The following NLGN1 variants were observed in gnomAD, a reference collection of about 807,000 sequenced individuals.
NLGN1 encodes the protein neuroligin 1, also known as neuroligin-1.
NLGN1 carries 12 observed loss-of-function variants against 65.5 expected under a neutral mutation model. That is an observed-to-expected ratio of 0.18 (90% CI 0.12 to 0.30). The LOEUF (loss-of-function observed/expected upper bound fraction) is 0.30. Among genes scored for constraint, NLGN1 ranks in the 10% least tolerant of loss-of-function variants. NLGN1 has a pLI of 1.00. For synonymous variants in NLGN1, 350 were observed against 359.5 expected (o/e 0.97, Z 0.30); for missense variants, 750 against 1,007.1 (o/e 0.74, Z 3.46).
intron 3 of NLGN1, among the ~76,000 whole-genome samples, chr3:173,650,008 A>C (rs746134635): frequency 3.7e-4 from 57 of 152,066 alleles, no homozygotes; most frequent in Non-Finnish European, 5.6e-4. Flanking sequence ...TTGCAAAAAA[A>C]CCTAAATTTA....
rs549486710 is a variant in NLGN1 at position 174,165,789 on chromosome 3, T to C, written c.647-109526T>C. 2.6e-4 allele frequency among the ~76,000 whole-genome samples: 39 copies of C among 152,184 alleles called. No individual in the cohort carries two copies. The East Asian group carries it at 3.9e-3, about 15-fold the overall frequency. On this transcript the variant is annotated intron_variant, in intron 4 of 6. Transcript: ENST00000457714. Reference sequence around the variant, plus strand: ...TAGAATTGGTACAGGCTCTTCCTTATATTTCTGGTAAGATTTGGCTGGTCT... The same window carrying C: ...TAGAATTGGTACAGGCTCTTCCTTACATTTCTGGTAAGATTTGGCTGGTCT...
intron 2 of NLGN1, among the ~76,000 whole-genome samples, chr3:173,574,848 T>G (rs746096874): frequency 6.6e-6 from 1 of 152,196 alleles, no homozygotes; most frequent in Non-Finnish European, 1.5e-5. Context: ...GCAGTTAAGA[T>G]AAACTATGCA....
intron 4 of NLGN1, among the ~76,000 whole-genome samples, chr3:174,077,738 T>C (rs1282441851): frequency 6.6e-6 from 1 of 152,116 alleles, no homozygotes; most frequent in Non-Finnish European, 1.5e-5. Context: ...GTATTTTTAG[T>C]AGAGACGGGG....
At chr3:174,258,892 G>A (rs1746306857) in intron 4 of NLGN1, among the ~76,000 whole-genome samples, 1 of 151,892 alleles carries the variant, frequency 6.6e-6, no homozygotes. Context: ...GGTGGAAGAG[G>A]GGAGAGTAAA....
chr3:173,504,016 C>T (rs533975572), intron 2 of NLGN1, among the ~76,000 whole-genome samples: 1 of 151,994 alleles, frequency 6.6e-6, no homozygotes, highest in Non-Finnish European at 1.5e-5. Context: ...CATCAGAAAT[C>T]TGATAATTAG....
chr3:173,662,081 A>G (rs1348625663), intron 3 of NLGN1, among the ~76,000 whole-genome samples: 2 of 151,966 alleles, frequency 1.3e-5, no homozygotes, highest in Non-Finnish European at 2.9e-5. Flanking sequence ...ATGGCTTATA[A>G]TTCTCTTCCC....
At chr3:174,087,411 C>T (rs772916151) in intron 4 of NLGN1, among the ~76,000 whole-genome samples, 4 of 152,048 alleles carry the variant, frequency 2.6e-5, no homozygotes, top group Non-Finnish European at 5.9e-5. Flanking sequence ...TACAAAGCTG[C>T]CAATGCATGC....
chr3:173,979,004 C>G (rs1319358490), intron 4 of NLGN1, among the ~76,000 whole-genome samples: 1 of 140,120 alleles, frequency 7.1e-6, no homozygotes, highest in Non-Finnish European at 1.6e-5. Flanking sequence ...GATTCTGTCT[C>G]AAAAAAAAAA....
intron 4 of NLGN1, among the ~76,000 whole-genome samples, chr3:173,837,543 G>A (rs1723879990): frequency 6.6e-6 from 1 of 152,048 alleles, no homozygotes; most frequent in African/African-American, 2.4e-5. Flanking sequence ...AATATGTTGA[G>A]TAAAAGAAAT....
At chr3:174,071,283 A>T (rs1203857259) in intron 4 of NLGN1, among the ~76,000 whole-genome samples, 4 of 152,156 alleles carry the variant, frequency 2.6e-5, no homozygotes, top group African/African-American at 9.7e-5. Flanking sequence ...AGAATACTGA[A>T]GGACATAGCT....
intron 2 of NLGN1, among the ~76,000 whole-genome samples, chr3:173,458,640 A>C (rs1291601700): frequency 6.6e-6 from 1 of 152,108 alleles, no homozygotes; most frequent in Non-Finnish European, 1.5e-5. Flanking sequence ...CCAGTTCCTC[A>C]TCACCCACTC....
At chr3:173,880,116 T>C (rs1732933996) in intron 4 of NLGN1, among the ~76,000 whole-genome samples, 1 of 152,130 alleles carries the variant, frequency 6.6e-6, no homozygotes, top group African/African-American at 2.4e-5. Context: ...AGATCAACCT[T>C]AAAAATATAA....
At chr3:173,580,857 A>G (rs903187800) in intron 2 of NLGN1, among the ~76,000 whole-genome samples, 2 of 152,022 alleles carry the variant, frequency 1.3e-5, no homozygotes, top group African/African-American at 4.8e-5. Flanking sequence ...TTTGCACTCA[A>G]CAAATAAATC....
chr3:174,176,155 G>T (rs1370645716), intron 4 of NLGN1, among the ~76,000 whole-genome samples: 1 of 151,950 alleles, frequency 6.6e-6, no homozygotes, highest in Non-Finnish European at 1.5e-5. Flanking sequence ...TACAAGTCAT[G>T]TTGGGAAGTT....
At chr3:174,294,042 A>G in the NLGN1 span, among the ~76,000 whole-genome samples, 1 of 151,758 alleles carries the variant, frequency 6.6e-6, no homozygotes, top group Non-Finnish European at 1.5e-5. Flanking sequence ...GTTTTTATCT[A>G]CCAATTTACT....
chr3:173,493,635 C>A (rs1397767880), intron 2 of NLGN1, among the ~76,000 whole-genome samples: 1 of 151,796 alleles, frequency 6.6e-6, no homozygotes. Flanking sequence ...ATAGTACTGT[C>A]ATAACTTATA....
intron 4 of NLGN1, among the ~76,000 whole-genome samples, chr3:174,238,976 G>A (rs906969051): frequency 6.6e-6 from 1 of 152,086 alleles, no homozygotes; most frequent in Non-Finnish European, 1.5e-5. Context: ...TTTCATTATT[G>A]ACTACCTGGG....
chr3:173,810,734 TA>T (rs200378522), intron 4 of NLGN1, among the ~76,000 whole-genome samples: 4 of 152,218 alleles, frequency 2.6e-5, no homozygotes, highest in East Asian at 3.9e-4. Context: ...GATCTCATGT[TA>T]AAAAAAATTT....
chr3:174,125,521 G>C (rs1307504820), intron 4 of NLGN1, among the ~76,000 whole-genome samples: 2 of 152,044 alleles, frequency 1.3e-5, no homozygotes, highest in East Asian at 3.9e-4. Context: ...GGAGCTGTGT[G>C]ATACAGGGAG....
Sources: gnomAD v4.1 joint callset for allele counts (sites outside exome capture counted in the v4.1 genomes callset) on GRCh38, gnomAD v4.1.1 for gene constraint, MANE v1.5 for transcripts, NCBI Gene and HGNC (gene_info 2026-07-23, HGNC 2026-07-21) for gene names.